VNN1: variants seen among roughly 807,000 people sequenced by gnomAD.
VNN1 encodes vanin 1, also known as pantetheinase.
VNN1 carries 29 observed loss-of-function variants against 41.9 expected under a neutral mutation model. That is an observed-to-expected ratio of 0.69 (90% CI 0.52 to 0.94). VNN1 has a LOEUF of 0.94. VNN1 is among the 40% of genes least tolerant of loss of function. The probability of loss-of-function intolerance (pLI) is 0.00; values close to 1 mark genes in which losing one functional copy is unlikely to be tolerated. For synonymous variants in VNN1, 233 were observed against 224.4 expected (o/e 1.04, Z -0.34); for missense variants, 637 against 621.1 (o/e 1.03, Z -0.27).
At chr6:132,688,506 G>C (rs1050609092) in intron 5 of VNN1, among the ~76,000 whole-genome samples, 4 of 152,222 alleles carry the variant, frequency 2.6e-5, no homozygotes, top group Admixed American at 6.5e-5. Context: ...ACTCTCTTTA[G>C]GTAGAGCCAA....
Position 132,683,072 on chromosome 6 carries a change from C to T in VNN1, c.*68G>A. The T allele has an allele frequency of 1.4e-6, 2 of 1,444,930 alleles. No homozygotes were observed. The highest frequency in any genetic ancestry group is 1.4e-5 in the African/African-American group (1 of 69,742). The allele number at this position is 1,444,930 out of a possible 1,614,324, so 89.5% of individuals were successfully genotyped here. ...TACTAGAGGATAATATTAACCCGGACCAATCTTTCTTTTCTCATCCATCAT... is the reference window on the plus strand; with the variant it reads ...TACTAGAGGATAATATTAACCCGGATCAATCTTTCTTTTCTCATCCATCAT... On this transcript the variant is annotated 3_prime_UTR_variant, in exon 7 of 7. Coordinates refer to ENST00000367928, the MANE Select transcript of VNN1 (RefSeq NM_004666.3).
At chr6:132,709,571 C>T (rs4897608) in intron 2 of VNN1, among the ~76,000 whole-genome samples, 75,811 of 151,086 alleles carry the variant, frequency 0.5, 21,696 homozygotes, top group African/African-American at 0.79. Flanking sequence ...GGCTGAGGCA[C>T]AAGAATTGCT....
intron 5 of VNN1, among the ~76,000 whole-genome samples, chr6:132,691,930 C>T (rs539326458): frequency 6.6e-6 from 1 of 151,146 alleles, no homozygotes; most frequent in Admixed American, 6.6e-5. Context: ...ATTGCTTGGC[C>T]GAGGAGGCAG....
At position 132,694,060 on chromosome 6, in the gene VNN1, T is replaced by A; in HGVS notation, c.464A>T (p.Asp155Val). ...CDTSDPQCPP[D>V]GRYQYNTDVV... ...ATCAGTGTTGTATTGGTAACGGCCA[T>A]CAGGGGGACACTGAGGATCACTGGT... The change falls in exon 3 of 7, where the codon GAT (aspartate) becomes GTT (valine). Residue 155 changes from aspartate to valine, a missense_variant. Transcript: ENST00000367928. 6.2e-7 allele frequency: 1 copy of A among 1,614,194 alleles called. No homozygotes were observed.
chr6:132,689,176 G>C (rs1486717405), intron 5 of VNN1, among the ~76,000 whole-genome samples: 1 of 152,088 alleles, frequency 6.6e-6, no homozygotes, highest in African/African-American at 2.4e-5. Context: ...CACTGCACTG[G>C]ACCTGATTCC....
chr6:132,694,300 T>A (rs1302152794), intron 2 of VNN1, 118 bp from the exon 3 acceptor site: 1 of 1,017,548 alleles, frequency 9.8e-7, no homozygotes, highest in African/African-American at 1.6e-5. Context: ...AAATTCTAAA[T>A]AACAATAATT....
chr6:132,691,800 C>T (rs1381306455), intron 5 of VNN1, among the ~76,000 whole-genome samples: 1 of 151,952 alleles, frequency 6.6e-6, no homozygotes, highest in Non-Finnish European at 1.5e-5. Context: ...GAGTTTGAGA[C>T]CACCCTGGCC....
intron 5 of VNN1, among the ~76,000 whole-genome samples, chr6:132,687,865 T>C (rs536832031): frequency 6.6e-6 from 1 of 152,272 alleles, no homozygotes; most frequent in Non-Finnish European, 1.5e-5. Context: ...TTAATAACTT[T>C]AGGAAAAACA....
intron 2 of VNN1, among the ~76,000 whole-genome samples, chr6:132,708,630 C>T (rs1778552494): frequency 6.6e-6 from 1 of 152,150 alleles, no homozygotes; most frequent in Non-Finnish European, 1.5e-5. Flanking sequence ...TCTCTCACAT[C>T]CTACATCCAG....
Position 132,684,430 on chromosome 6 carries a change from A to G in VNN1, c.1264T>C (p.Phe422Leu), listed in dbSNP as rs1228292472. Residue 422 changes from phenylalanine (F) to leucine (L), a missense_variant, in exon 6 of 7, where the codon TTT (phenylalanine) becomes CTT (leucine). Physicochemically the swap from Phe to Leu is conservative, Grantham distance 22. Transcript: ENST00000367928. ...GTGCCACTGAGGGAGAACATTTCAA[A>G]CCTGGTAGAAGCTGTTTCAGCTGAG... ...GDSAETASTR[F>L]EMFSLSGTFG... The G allele has an allele frequency of 6.2e-6, 10 of 1,613,956 alleles. No individual in the cohort carries two copies. The highest frequency in any genetic ancestry group is 8.5e-6 in the Non-Finnish European group (10 of 1,179,972).
intron 4 of VNN1, 112 bp from the exon 5 acceptor site, chr6:132,692,696 T>A: frequency 7.4e-7 from 1 of 1,347,740 alleles, no homozygotes; most frequent in South Asian, 1.7e-5. Flanking sequence ...CTAAGTTATA[T>A]GTTTTATTAA....
rs1014804616 is a variant in VNN1 at position 132,683,133 on chromosome 6, C to T, written c.*7G>A. On this transcript the variant is annotated 3_prime_UTR_variant, in exon 7 of 7. Coordinates refer to ENST00000367928, the MANE Select transcript of VNN1 (RefSeq NM_004666.3). Reference sequence around the variant, plus strand: ...ATCCCAAATAAAAAAGAGAAAAAGTCAATATTCTACCAACTTAATGAGCAT... The same window carrying T: ...ATCCCAAATAAAAAAGAGAAAAAGTTAATATTCTACCAACTTAATGAGCAT... 3.8e-6 allele frequency: 6 copies of T among 1,570,488 alleles called. No homozygotes were observed. Among genetic ancestry groups the T allele is most frequent in the African/African-American group, 2.8e-5 (2 of 72,544 alleles).
At chr6:132,688,006 C>CT (rs2114336439) in intron 5 of VNN1, among the ~76,000 whole-genome samples, 1 of 152,192 alleles carries the variant, frequency 6.6e-6, no homozygotes, top group African/African-American at 2.4e-5. Flanking sequence ...TTCACTTTTA[C>CT]CTCTCTTTGT....
At chr6:132,685,915 A>G (rs759647961) in intron 5 of VNN1, among the ~76,000 whole-genome samples, 20 of 152,180 alleles carry the variant, frequency 1.3e-4, no homozygotes, top group Admixed American at 6.5e-4. Context: ...ACCTGAATAA[A>G]TAACACTGAA....
chr6:132,701,889 G>A (rs1298478393), intron 2 of VNN1, among the ~76,000 whole-genome samples: 2 of 152,226 alleles, frequency 1.3e-5, no homozygotes, highest in Admixed American at 6.5e-5. Flanking sequence ...TTGGAAGTCA[G>A]TGTTGCCATG....
Position 132,683,094 on chromosome 6 carries a change from T to G in VNN1, c.*46A>C. 1 of 1,535,694 alleles carries G rather than the reference T, an allele frequency of 6.5e-7. No individual in the cohort carries two copies. The highest frequency in any genetic ancestry group is 8.8e-7 in the Non-Finnish European group (1 of 1,135,794). ...GGACCAATCTTTCTTTTCTCATCCA[T>G]CATTTTTTAAATTATCCCAAATAAA... On this transcript the variant is annotated 3_prime_UTR_variant, in exon 7 of 7. Coordinates refer to ENST00000367928, the MANE Select transcript of VNN1 (RefSeq NM_004666.3).
chr6:132,699,351 G>A, intron 2 of VNN1: 1 of 184,920 alleles, frequency 5.4e-6, no homozygotes, highest in Non-Finnish European at 1.1e-5. Context: ...AAGATCAAAT[G>A]CTCTAAACTT....
In VNN1 at chr6:132,683,385, T is replaced by C. The variant is rs1582765519; in HGVS notation, c.1360-63A>G. 1.7e-5 allele frequency: 26 copies of C among 1,500,304 alleles called. No individual in the cohort carries two copies. The East Asian group carries it at 6.1e-4, about 35-fold the overall frequency. 92.9% of individuals were successfully genotyped at this position (1,500,304 alleles called of 1,614,324 possible). On this transcript the variant is annotated intron_variant, in intron 6 of 6. Coordinates refer to ENST00000367928, the MANE Select transcript of VNN1 (RefSeq NM_004666.3). ...AGTTTTACAATCCCATAAATCACTTTTAAAATTTACTATAACAGAATGAAG... is the reference window on the plus strand; with the variant it reads ...AGTTTTACAATCCCATAAATCACTTCTAAAATTTACTATAACAGAATGAAG...
chr6:132,693,135 T>C lies in VNN1; in HGVS notation c.715A>G (p.Met239Val). The C allele has an allele frequency of 6.2e-7, 1 of 1,614,088 alleles. No individual in the cohort carries two copies. The highest frequency in any genetic ancestry group is 8.5e-7 in the Non-Finnish European group (1 of 1,180,004). ...GCTGACAAATGTGGCAAAACATTCA[T>C]CCAAGCTGTTGGGAATACTATGGTG... ...VDTIVFPTAW[M>V]NVLPHLSAVE... The change falls in exon 4 of 7, where the codon ATG becomes GTG. Residue 239 changes from methionine to valine, a missense_variant. Coordinates refer to ENST00000367928, the MANE Select transcript of VNN1 (RefSeq NM_004666.3).
Sources: allele counts gnomAD v4.1 joint callset (sites outside exome capture counted in the v4.1 genomes callset), GRCh38; gene constraint gnomAD v4.1.1; transcripts MANE v1.5; gene names NCBI Gene and HGNC (gene_info 2026-07-23, HGNC 2026-07-21).